Variants in DCC observed in about 807,000 individuals in gnomAD.
The protein encoded by DCC is netrin receptor DCC.
A neutral mutation model predicts 172.5 loss-of-function variants in DCC; 58 were observed. The ratio of observed to expected loss-of-function variants is 0.34; its 90% CI spans 0.27 to 0.42. DCC has a LOEUF of 0.42. Among genes scored for constraint, DCC ranks in the 10% least tolerant of loss-of-function variants. DCC has a pLI of 1.00. For synonymous variants in DCC, 709 were observed against 644.5 expected, an observed-to-expected ratio of 1.10 and a Z score of -1.52; for missense variants, 1,740 against 1,791.0, an observed-to-expected ratio of 0.97 and a Z score of 0.51.
chr18:53,049,721 T>A (rs886723052), intron 5 of DCC, among the ~76,000 whole-genome samples: 3 of 152,040 alleles, frequency 2.0e-5, no homozygotes, highest in African/African-American at 7.2e-5. Context: ...TTTTTCTAAG[T>A]CTGTGAAAAA....
chr18:52,876,024 C>T (rs188169875), intron 2 of DCC, among the ~76,000 whole-genome samples: 76 of 151,494 alleles, frequency 5.0e-4, no homozygotes, highest in African/African-American at 1.7e-3. Context: ...TCCTTCCTTA[C>T]GTTTGCCTTC....
chr18:52,983,910 A>G (rs1212640875), intron 5 of DCC, among the ~76,000 whole-genome samples: 3 of 152,118 alleles, frequency 2.0e-5, no homozygotes, highest in Non-Finnish European at 4.4e-5. Context: ...TGCCTCCTGC[A>G]CTTATTTTTT....
chr18:52,884,967 C>T (rs1185603795), intron 2 of DCC, among the ~76,000 whole-genome samples: 1 of 152,078 alleles, frequency 6.6e-6, no homozygotes, highest in Non-Finnish European at 1.5e-5. Flanking sequence ...TCTGGGTTAC[C>T]ATGCAGAAAC....
intron 14 of DCC, among the ~76,000 whole-genome samples, chr18:53,328,460 A>C (rs2057493062): frequency 6.6e-6 from 1 of 152,114 alleles, no homozygotes; most frequent in Non-Finnish European, 1.5e-5. Context: ...AGTGCTCAAC[A>C]GTGTGTTGTT....
intron 1 of DCC, among the ~76,000 whole-genome samples, chr18:52,523,369 A>G (rs1379616697): frequency 1.1e-5 from 1 of 87,584 alleles, no homozygotes; most frequent in Non-Finnish European, 2.5e-5. Flanking sequence ...TGTCAAACTT[A>G]GAGTAGATGA....
intron 1 of DCC, among the ~76,000 whole-genome samples, chr18:52,647,346 A>C (rs1280998624): frequency 6.6e-6 from 1 of 152,182 alleles, no homozygotes; most frequent in African/African-American, 2.4e-5. Context: ...CCTCCTACCC[A>C]ACTTGAAGCC....
chr18:52,624,306 C>A (rs1337119507), intron 1 of DCC, among the ~76,000 whole-genome samples: 1 of 152,154 alleles, frequency 6.6e-6, no homozygotes, highest in African/African-American at 2.4e-5. Context: ...TTTGCACCCA[C>A]CTTCAAAGAG....
intron 19 of DCC, among the ~76,000 whole-genome samples, chr18:53,404,717 T>G (rs1280307796): frequency 6.7e-6 from 1 of 149,116 alleles, no homozygotes; most frequent in African/African-American, 2.5e-5. Context: ...GGCGACAGAG[T>G]AAGACTCCGT....
At chr18:53,270,554 G>A (rs2056737427) in intron 12 of DCC, among the ~76,000 whole-genome samples, 1 of 152,036 alleles carries the variant, frequency 6.6e-6, no homozygotes, top group African/African-American at 2.4e-5. Context: ...TGCTTCCTGG[G>A]ATTCATATAC....
intron 12 of DCC, among the ~76,000 whole-genome samples, chr18:53,303,641 C>G (rs2057166576): frequency 6.6e-6 from 1 of 152,144 alleles, no homozygotes; most frequent in African/African-American, 2.4e-5. Flanking sequence ...CCTCAAACCC[C>G]TTATGGGACA....
intron 5 of DCC, among the ~76,000 whole-genome samples, chr18:53,036,320 C>G (rs1235228812): frequency 6.6e-6 from 1 of 152,004 alleles, no homozygotes; most frequent in Non-Finnish European, 1.5e-5. Flanking sequence ...ATTTGAGTAT[C>G]TTGCAAAATT....
At chr18:52,963,193 T>C (rs1415481666) in intron 5 of DCC, among the ~76,000 whole-genome samples, 2 of 151,846 alleles carry the variant, frequency 1.3e-5, no homozygotes, top group Non-Finnish European at 2.9e-5. Flanking sequence ...ATTCCATTTT[T>C]AAAATATCAA....
chr18:53,187,432 T>G (rs892738874), intron 9 of DCC, among the ~76,000 whole-genome samples: 1 of 152,162 alleles, frequency 6.6e-6, no homozygotes, highest in African/African-American at 2.4e-5. Context: ...CTATTTCCTT[T>G]TTTTAACCTA....
intron 17 of DCC, among the ~76,000 whole-genome samples, chr18:53,393,609 A>G (rs1908714832): frequency 6.6e-6 from 1 of 152,232 alleles, no homozygotes; most frequent in Non-Finnish European, 1.5e-5. Flanking sequence ...TAAAAATTTT[A>G]TGTCATAATT....
At position 52,601,962 on chromosome 18, in the gene DCC, A is replaced by C. The variant is rs2034026764; in HGVS notation, c.92-150092A>C. Among the ~76,000 whole-genome samples the C allele has an allele frequency of 2.0e-5, 3 of 152,046 alleles. 1 individual carries two copies. Among genetic ancestry groups the C allele is most frequent in the African/African-American group, 7.2e-5 (3 of 41,424 alleles). On this transcript the variant is annotated intron_variant, in intron 1 of 28. Coordinates refer to ENST00000442544, the MANE Select transcript of DCC (RefSeq NM_005215.4). ...ACTTTATCACTTCTCTCATGCACTA[A>C]GCTCTTGCTCTTCTGTGAATTTCCC...
intron 25 of DCC, among the ~76,000 whole-genome samples, chr18:53,474,759 T>C (rs4940260): frequency 0.86 from 130,436 of 152,172 alleles, 56,128 homozygotes; most frequent in Non-Finnish European, 0.88. Context: ...TAATTTGTTC[T>C]GGGAGTGGGG....
intron 28 of DCC, among the ~76,000 whole-genome samples, chr18:53,528,525 T>A (rs892807468): frequency 6.6e-6 from 1 of 152,128 alleles, no homozygotes; most frequent in Non-Finnish European, 1.5e-5. Context: ...AAAGGTTGAC[T>A]CTAAAGAATG....
intron 1 of DCC, among the ~76,000 whole-genome samples, chr18:52,505,473 C>A (rs2144636106): frequency 6.6e-6 from 1 of 152,120 alleles, no homozygotes; most frequent in South Asian, 2.1e-4. Flanking sequence ...ATTTTTAGAA[C>A]AAAATATGTA....
chr18:53,510,973 A>T (rs1157321174), intron 27 of DCC, among the ~76,000 whole-genome samples: 1 of 152,216 alleles, frequency 6.6e-6, no homozygotes, highest in Non-Finnish European at 1.5e-5. Flanking sequence ...TCTAAGAAAG[A>T]ACATATAATT....
Sources: gnomAD v4.1 joint callset for allele counts (sites outside exome capture counted in the v4.1 genomes callset) on GRCh38, gnomAD v4.1.1 for gene constraint, MANE v1.5 for transcripts, NCBI Gene and HGNC (gene_info 2026-07-23, HGNC 2026-07-21) for gene names.